Variants in DAB1 observed in about 807,000 individuals in gnomAD.
DAB1 encodes the protein DAB adaptor protein 1.
DAB1 carries 15 observed loss-of-function variants against 64.6 expected under a neutral mutation model. The observed-to-expected ratio is 0.23, with a 90% confidence interval of 0.16 to 0.36. DAB1 has a LOEUF of 0.36. Ranked by LOEUF, DAB1 falls within the 10% of genes least tolerant of loss-of-function variation. The pLI, the probability that DAB1 is intolerant of heterozygous loss-of-function variation, is 1.00. For missense variants in DAB1, 596 were observed against 706.7 expected, an observed-to-expected ratio of 0.84 and a Z score of 1.78; for synonymous variants, 235 against 251.9, an observed-to-expected ratio of 0.93 and a Z score of 0.64.
intron 4 of DAB1, among the ~76,000 whole-genome samples, chr1:58,289,968 A>G (rs766530520): frequency 2.6e-5 from 4 of 152,234 alleles, no homozygotes; most frequent in African/African-American, 9.6e-5. Context: ...TGGAGACAGT[A>G]CATTATGGAA....
chr1:58,279,568 T>C (rs571238266), intron 4 of DAB1, among the ~76,000 whole-genome samples: 6 of 152,320 alleles, frequency 3.9e-5, no homozygotes, highest in African/African-American at 1.4e-4. Context: ...CAACTGAGTT[T>C]CAGAGAGGTG....
chr1:57,047,570 A>G (rs1054731116), intron 9 of DAB1, among the ~76,000 whole-genome samples: 4 of 152,198 alleles, frequency 2.6e-5, no homozygotes, highest in Non-Finnish European at 5.9e-5. Context: ...TTGGTGGTCT[A>G]CAACCCCAGG....
At chr1:57,544,468 T>G (rs1331708178) in intron 7 of DAB1, among the ~76,000 whole-genome samples, 5 of 152,226 alleles carry the variant, frequency 3.3e-5, no homozygotes, top group South Asian at 2.1e-4. Flanking sequence ...CCTCTGTACT[T>G]TCTGATACAT....
intron 6 of DAB1, among the ~76,000 whole-genome samples, chr1:57,742,560 G>T (rs1648053340): frequency 6.6e-6 from 1 of 152,060 alleles, no homozygotes; most frequent in Non-Finnish European, 1.5e-5. Context: ...CTAGGAACCT[G>T]GTTCTGTGTA....
chr1:57,063,399 A>G (rs970465530), intron 8 of DAB1, among the ~76,000 whole-genome samples: 2 of 152,220 alleles, frequency 1.3e-5, no homozygotes, highest in Non-Finnish European at 2.9e-5. Context: ...TCAAGATCCT[A>G]GCACAAAGCA....
At chr1:58,190,810 A>G (rs1375468630) in intron 4 of DAB1, among the ~76,000 whole-genome samples, 1 of 152,250 alleles carries the variant, frequency 6.6e-6, no homozygotes, top group Non-Finnish European at 1.5e-5. Context: ...AGAGAAGCGC[A>G]GCCAGTGTAA....
chr1:58,122,870 G>A (rs530051944), intron 5 of DAB1, among the ~76,000 whole-genome samples: 17 of 152,186 alleles, frequency 1.1e-4, no homozygotes, highest in South Asian at 6.2e-4. Flanking sequence ...ATTGCACTAC[G>A]GAAGAAATAA....
chr1:58,283,535 G>T (rs984745664), intron 4 of DAB1, among the ~76,000 whole-genome samples: 7 of 152,042 alleles, frequency 4.6e-5, no homozygotes, highest in Admixed American at 1.3e-4. Flanking sequence ...CCTTGTCCAG[G>T]CTCTACTCTT....
chr1:57,023,963 T>C (rs1646703341), intron 10 of DAB1, among the ~76,000 whole-genome samples: 1 of 152,128 alleles, frequency 6.6e-6, no homozygotes, highest in Admixed American at 6.5e-5. Context: ...CCCTACTCCC[T>C]GGGGGGTGTT....
intron 7 of DAB1, among the ~76,000 whole-genome samples, chr1:57,572,888 G>T (rs1645209025): frequency 6.6e-6 from 1 of 151,952 alleles, no homozygotes; most frequent in South Asian, 2.1e-4. Context: ...AGGGAAAGGT[G>T]CCACACACTT....
intron 4 of DAB1, among the ~76,000 whole-genome samples, chr1:58,220,630 C>A (rs1659110119): frequency 6.6e-6 from 1 of 152,120 alleles, no homozygotes; most frequent in African/African-American, 2.4e-5. Context: ...CTGATCCTCT[C>A]TACTGAAGAA....
At chr1:58,439,637 G>A (rs965422964) in intron 3 of DAB1, among the ~76,000 whole-genome samples, 9 of 152,288 alleles carry the variant, frequency 5.9e-5, no homozygotes, top group Middle Eastern at 3.4e-3. Context: ...GAGGAAAGTA[G>A]GTATCATGCC....
chr1:58,220,174 C>A (rs1659083097), intron 4 of DAB1, among the ~76,000 whole-genome samples: 1 of 152,124 alleles, frequency 6.6e-6, no homozygotes, highest in Non-Finnish European at 1.5e-5. Flanking sequence ...GGCCTTCTAG[C>A]AAAAGATGGT....
chr1:57,308,319 A>C (rs1367689185), intron 1 of DAB1, among the ~76,000 whole-genome samples: 1 of 152,204 alleles, frequency 6.6e-6, no homozygotes, highest in Non-Finnish European at 1.5e-5. Context: ...ACGTCCATGC[A>C]AGGAGGAATG....
At position 57,365,943 on chromosome 1, in the gene DAB1, A is replaced by C. The variant is rs561995044; in HGVS notation, c.-137+57987T>G. ...GAGAGGAAATATACTAAGCCTCTCC[A>C]ATTTTCCCCTTTTCAGTCTGGTTTG... On this transcript the variant is annotated intron_variant, in intron 1 of 14. Coordinates refer to ENST00000371236, the MANE Select transcript of DAB1 (RefSeq NM_001365792.1). Among the ~76,000 whole-genome samples the C allele has an allele frequency of 9.8e-5, 15 of 152,304 alleles. No homozygotes were observed. In the South Asian group the frequency reaches 1.2e-3, roughly 13 times the overall value.
rs185968265 is a variant in DAB1, at chr1:57,440,775, A to T, written n.626-149609T>A. On this transcript the variant is annotated intron_variant and non_coding_transcript_variant, in intron 7 of 20. Transcript: ENST00000485760. ...CCAGAGTCTCTTCTGTATGTGTTCCAGTTAGTTGTATTATTGTATGTTTAT... is the reference window on the plus strand; with the variant it reads ...CCAGAGTCTCTTCTGTATGTGTTCCTGTTAGTTGTATTATTGTATGTTTAT... 1.6e-4 allele frequency among the ~76,000 whole-genome samples: 24 copies of T among 152,314 alleles called. No individual in the cohort carries two copies. In the East Asian group the frequency reaches 4.6e-3, roughly 29 times the overall value.
intron 1 of DAB1, among the ~76,000 whole-genome samples, chr1:57,322,883 G>A (rs1244059578): frequency 6.6e-6 from 1 of 152,136 alleles, no homozygotes; most frequent in Non-Finnish European, 1.5e-5. Flanking sequence ...AAGTAAATCA[G>A]AACCTCTGTG....
intron 5 of DAB1, among the ~76,000 whole-genome samples, chr1:58,018,711 T>G (rs1299985666): frequency 1.3e-5 from 2 of 152,242 alleles, no homozygotes; most frequent in Non-Finnish European, 2.9e-5. Flanking sequence ...AGGTGTTAAT[T>G]GTTTTCATAA....
intron 1 of DAB1, among the ~76,000 whole-genome samples, chr1:57,386,373 A>G (rs1681845525): frequency 3.2e-5 from 2 of 62,158 alleles, no homozygotes; most frequent in South Asian, 3.4e-4. Flanking sequence ...TGGGAAAAAA[A>G]AAAAAAAAAA....
Sources: allele counts gnomAD v4.1 joint callset (sites outside exome capture counted in the v4.1 genomes callset), GRCh38; gene constraint gnomAD v4.1.1; transcripts MANE v1.5; gene names NCBI Gene and HGNC (gene_info 2026-07-23, HGNC 2026-07-21).